Variants in SIRPB2 observed in about 807,000 individuals in gnomAD.
SIRPB2 encodes signal regulatory protein beta 2.
A neutral mutation model predicts 27.1 loss-of-function variants in SIRPB2; 18 were observed. That is an observed-to-expected ratio of 0.66 (90% CI 0.46 to 0.98). SIRPB2 has a LOEUF of 0.98. Among genes scored for constraint, SIRPB2 ranks in the 50% least tolerant of loss-of-function variants. The pLI is 0.00. For synonymous variants in SIRPB2, 150 were observed against 164.6 expected, an observed-to-expected ratio of 0.91 and a Z score of 0.68; for missense variants, 420 against 417.4, an observed-to-expected ratio of 1.01 and a Z score of -0.06.
At position 1,475,774 on chromosome 20, in the gene SIRPB2, GGCTGGT is replaced by G; in HGVS notation, c.*387_*392del. On this transcript the variant is annotated 3_prime_UTR_variant, in exon 5 of 5. Coordinates refer to ENST00000359801, the MANE Select transcript of SIRPB2 (RefSeq NM_001122962.2). ...GTAGATGGAGGGGCACAGATGGTCT[GGCTGGT>G]TGAGTTCAGAGATTCTTACAGACAT... 1.4e-5 allele frequency: 2 copies of G among 145,760 alleles called. No homozygotes were observed. The highest frequency in any genetic ancestry group is 1.9e-4 in the South Asian group (1 of 5,294). The allele number at this position is 145,760 out of a possible 1,614,324, so 9.0% of individuals were successfully genotyped here.
chr20:1,481,759 C>T lies in SIRPB2; in HGVS notation c.86-1694G>A, dbSNP rs114661630. ...GCATGTTGAATCCTAGGGATTGCTT[C>T]TGTCCTTGATGTCCTTAGTTCCAAG... On this transcript the variant is annotated intron_variant, in intron 1 of 4. Transcript: ENST00000359801. Among the ~76,000 whole-genome samples, 917 of 152,284 alleles carry T rather than the reference C, an allele frequency of 6.0e-3. 17 individuals carry two copies. Among genetic ancestry groups the T allele is most frequent in the African/African-American group, 0.021 (889 of 41,554 alleles).
At chr20:1,480,357 G>A (rs759240135) in intron 1 of SIRPB2, 5 of 327,580 alleles carry the variant, frequency 1.5e-5, no homozygotes, top group African/African-American at 6.3e-5. Flanking sequence ...AAGGTAAATG[G>A]CATCATTCCC....
intron 1 of SIRPB2, among the ~76,000 whole-genome samples, chr20:1,483,514 A>G (rs1049498777): frequency 6.6e-6 from 1 of 152,074 alleles, no homozygotes; most frequent in Non-Finnish European, 1.5e-5. Flanking sequence ...ATATTTTTTC[A>G]TATACCTCTA....
downstream of SIRPB2, among the ~76,000 whole-genome samples, chr20:1,474,328 T>C (rs1370016494): frequency 6.6e-6 from 1 of 152,228 alleles, no homozygotes; most frequent in Non-Finnish European, 1.5e-5. Flanking sequence ...CTACCTTCCC[T>C]ACCCTCTCTA....
chr20:1,486,234 G>A (rs113869101), intron 1 of SIRPB2, among the ~76,000 whole-genome samples: 1,565 of 151,722 alleles, frequency 0.01, 28 homozygotes, highest in African/African-American at 0.035. Flanking sequence ...CACCATGCCC[G>A]GCTAATTTTT....
chr20:1,480,334 A>C lies in SIRPB2; in HGVS notation c.86-269T>G, dbSNP rs1208912138. The C allele has an allele frequency of 1.7e-5, 7 of 403,330 alleles. No individual in the cohort carries two copies. The Admixed American group carries it at 2.9e-4, about 17-fold the overall frequency. 25.0% of individuals were successfully genotyped at this position (403,330 alleles called of 1,614,324 possible). On this transcript the variant is annotated intron_variant, in intron 1 of 4. Transcript: ENST00000359801. The stretch of plus-strand genomic sequence containing the variant: ...GCGTGCATGATGTCACTTATTCTTC[A>C]CAATGCTTCTGTAAGGTAAATGGCA...
chr20:1,483,664 T>G (rs530154169), intron 1 of SIRPB2, among the ~76,000 whole-genome samples: 1 of 152,368 alleles, frequency 6.6e-6, no homozygotes, highest in East Asian at 1.9e-4. Context: ...TATTAGTCCC[T>G]TGTCAAATGG....
At chr20:1,485,281 G>T (rs2090713907) in intron 1 of SIRPB2, among the ~76,000 whole-genome samples, 1 of 152,100 alleles carries the variant, frequency 6.6e-6, no homozygotes, top group African/African-American at 2.4e-5. Context: ...AATACATGAG[G>T]TGATGGATAT....
rs1428871492 is a variant in SIRPB2, at chr20:1,479,889, T to G, written c.262A>C (p.Lys88Gln). The change falls in exon 2 of 5, where the codon AAA becomes CAA. Residue 88 changes from lysine to glutamine, a missense_variant. Coordinates refer to ENST00000359801, the MANE Select transcript of SIRPB2 (RefSeq NM_001122962.2). ...TQDQQEIYNFKRGSFPGVMPM... is the reference protein window; with the variant it reads ...TQDQQEIYNFQRGSFPGVMPM... ...ATTACCCCAGGGAAGGAGCCACGTT[T>G]AAAGTTATAAATTTCCTGTTGGTCC... The G allele has an allele frequency of 2.5e-6, 4 of 1,614,118 alleles. No homozygotes were observed. Among genetic ancestry groups the G allele is most frequent in the African/African-American group, 1.3e-5 (1 of 74,932 alleles).
chr20:1,487,596 TGAATA>T (rs1360189426), intron 1 of SIRPB2, among the ~76,000 whole-genome samples: 1 of 152,218 alleles, frequency 6.6e-6, no homozygotes, highest in Non-Finnish European at 1.5e-5. Flanking sequence ...TCAGTGGAAC[TGAATA>T]GAGAGTCTAG....
intron 4 of SIRPB2, chr20:1,476,994 T>A: frequency 8.0e-7 from 1 of 1,246,248 alleles, no homozygotes; most frequent in South Asian, 1.5e-5. Context: ...AGGAAGGGGC[T>A]CCATCCAGGA....
At chr20:1,486,962 G>T (rs1167684872) in intron 1 of SIRPB2, among the ~76,000 whole-genome samples, 1 of 152,080 alleles carries the variant, frequency 6.6e-6, no homozygotes, top group Non-Finnish European at 1.5e-5. Flanking sequence ...ATTCAATTTT[G>T]TAGGATAGGT....
intron 3 of SIRPB2, 112 bp downstream of exon 3, chr20:1,478,154 C>T: frequency 9.8e-7 from 1 of 1,016,244 alleles, no homozygotes; most frequent in South Asian, 1.3e-5. Context: ...GAGGGAAAAA[C>T]TTATGTAAAG....
At chr20:1,481,373 A>C (rs1284293915) in intron 1 of SIRPB2, among the ~76,000 whole-genome samples, 3 of 152,166 alleles carry the variant, frequency 2.0e-5, no homozygotes. Flanking sequence ...GTAAAGAAAC[A>C]TGAGGTGAAC....
At chr20:1,473,814 T>C (rs190745554), downstream of SIRPB2, 1,097 of 456,264 alleles carry the variant, frequency 2.4e-3, 9 homozygotes, top group Non-Finnish European at 1.7e-3. Flanking sequence ...GAGAACCACC[T>C]CCATGCTTTC....
At chr20:1,473,565 T>C (rs142618943), downstream of SIRPB2, among the ~76,000 whole-genome samples, 140 of 151,674 alleles carry the variant, frequency 9.2e-4, no homozygotes, top group African/African-American at 3.3e-3. Context: ...GGAATGAGAG[T>C]GATGGAGGTG....
rs780562843 is a variant in SIRPB2, at chr20:1,477,171, A to G, written c.859+167T>C. 14 of 1,589,498 alleles carry G rather than the reference A, an allele frequency of 8.8e-6. No individual in the cohort carries two copies. The East Asian group carries it at 9.1e-5, about 10-fold the overall frequency. ...TTCGTTATAGCTGAGCTGTTATAACATGGTTCTCTGGGGTCCTAGTTCTGC... is the reference window on the plus strand; with the variant it reads ...TTCGTTATAGCTGAGCTGTTATAACGTGGTTCTCTGGGGTCCTAGTTCTGC... On this transcript the variant is annotated intron_variant, in intron 4 of 4. Coordinates refer to ENST00000359801, the MANE Select transcript of SIRPB2 (RefSeq NM_001122962.2).
intron 1 of SIRPB2, among the ~76,000 whole-genome samples, chr20:1,483,462 T>C (rs1438388622): frequency 6.6e-6 from 1 of 152,186 alleles, no homozygotes; most frequent in Non-Finnish European, 1.5e-5. Context: ...CGATATCTCA[T>C]TATGGTTTTG....
chr20:1,481,694 C>T (rs1224739396), intron 1 of SIRPB2, among the ~76,000 whole-genome samples: 2 of 152,148 alleles, frequency 1.3e-5, no homozygotes, highest in African/African-American at 4.8e-5. Flanking sequence ...CTGTTAACCA[C>T]CAAGAATAAC....
Sources: gnomAD v4.1 joint callset for allele counts (sites outside exome capture counted in the v4.1 genomes callset) on GRCh38, gnomAD v4.1.1 for gene constraint, MANE v1.5 for transcripts, NCBI Gene and HGNC (gene_info 2026-07-23, HGNC 2026-07-21) for gene names.